The following TSACC variants were observed in gnomAD, a reference collection of about 807,000 sequenced individuals.
The protein encoded by TSACC is TSSK6-activating co-chaperone protein.
In TSACC, 3 loss-of-function variants were observed where a neutral mutation model predicts 6.9. The observed-to-expected ratio is 0.43, with a 90% CI of 0.20 to 1.12. TSACC has a LOEUF of 1.12. Ranked by LOEUF, TSACC falls within the 50% of genes most tolerant of loss-of-function variation. The pLI, the probability that TSACC is intolerant of heterozygous loss-of-function variation, is 0.28. For missense variants in TSACC, 137 were observed against 143.9 expected (o/e 0.95, Z 0.24); for synonymous variants, 54 against 55.1 (o/e 0.98, Z 0.09).
chr1:156,345,685 T>C (rs1265122617), intron 3 of TSACC, among the ~76,000 whole-genome samples: 1 of 150,944 alleles, frequency 6.6e-6, no homozygotes, highest in East Asian at 2.0e-4. Context: ...CTCACCAACA[T>C]GGTGAAACCC....
intron 3 of TSACC, 42 bp downstream of exon 3, chr1:156,344,750 G>A: frequency 1.2e-6 from 2 of 1,602,012 alleles, no homozygotes; most frequent in Non-Finnish European, 1.7e-6. Context: ...TCAACAGGGG[G>A]AAGGGTTGCA....
intron 3 of TSACC, among the ~76,000 whole-genome samples, chr1:156,345,688 T>C (rs1242926547): frequency 6.6e-6 from 1 of 150,846 alleles, no homozygotes; most frequent in African/African-American, 2.4e-5. Context: ...ACCAACATGG[T>C]GAAACCCCAT....
intron 3 of TSACC, among the ~76,000 whole-genome samples, chr1:156,345,422 G>A (rs1175209261): frequency 6.6e-6 from 1 of 151,974 alleles, no homozygotes; most frequent in African/African-American, 2.4e-5. Flanking sequence ...AATAAGCTGG[G>A]CGTGGTGGCA....
chr1:156,344,599 T>C lies in TSACC; in HGVS notation c.54T>C (p.Ala18=), dbSNP rs1666066578. The change falls in exon 3 of 4, where the codon GCT becomes GCC. Residue 18 remains alanine, a synonymous_variant. Transcript: ENST00000368254. ...ATTTAGTTCCAGCCAAAGAGGAAGCTAATGCTGTGCCTCTCTGTAGAGCAA... is the reference window on the plus strand; with the variant it reads ...ATTTAGTTCCAGCCAAAGAGGAAGCCAATGCTGTGCCTCTCTGTAGAGCAA... ...PNRKVPAKEE[A]NAVPLCRAKP... is the part of the protein sequence containing the mutation. The C allele has an allele frequency of 1.2e-6, 2 of 1,614,098 alleles. No individual in the cohort carries two copies. Among genetic ancestry groups the C allele is most frequent in the Admixed American group, 3.3e-5 (2 of 60,016 alleles).
upstream of TSACC, chr1:156,338,252 C>T: frequency 6.9e-7 from 1 of 1,453,226 alleles, no homozygotes; most frequent in South Asian, 1.2e-5. Flanking sequence ...AGAGAGAGAA[C>T]CAGACAGAAG....
upstream of TSACC, chr1:156,338,179 C>T: frequency 3.1e-6 from 5 of 1,588,756 alleles, no homozygotes; most frequent in Non-Finnish European, 4.3e-6. Context: ...GACGATGGCC[C>T]ATCATGGCGA....
chr1:156,342,881 T>C (rs1665972553), intron 2 of TSACC, among the ~76,000 whole-genome samples: 1 of 152,270 alleles, frequency 6.6e-6, no homozygotes, highest in Admixed American at 6.5e-5. Flanking sequence ...GATTTCATTA[T>C]AACAGTGAAT....
upstream of TSACC, chr1:156,338,506 G>A: frequency 2.0e-6 from 1 of 512,176 alleles, no homozygotes; most frequent in Non-Finnish European, 3.5e-6. Flanking sequence ...GAACGTCGGC[G>A]CAGGCGCCAA....
chr1:156,346,449 T>G (rs1259140643), intron 3 of TSACC, among the ~76,000 whole-genome samples: 1 of 152,160 alleles, frequency 6.6e-6, no homozygotes, highest in Non-Finnish European at 1.5e-5. Context: ...TAAAAATCCT[T>G]GCCTTCCTGG....
rs745969180 is a variant in TSACC, at chr1:156,339,813, T to TCC, written c.34+25_34+26dup. Reference sequence around the variant, plus strand: ...AAAGGTGTGTGTTGGAGGCCCTGCTTCCCCTCCCTTAAAAAGCAAGACCTC... The same window carrying TCC: ...AAAGGTGTGTGTTGGAGGCCCTGCTTCCCCCCTCCCTTAAAAAGCAAGACCTC... On this transcript the variant is annotated intron_variant, in intron 2 of 3. Transcript: ENST00000368254. The TCC allele has an allele frequency of 2.5e-6, 4 of 1,612,930 alleles. No individual in the cohort carries two copies. The Admixed American group carries it at 6.7e-5, about 27-fold the overall frequency.
rs767749692 is a variant in TSACC at position 156,339,730 on chromosome 1, C to T, written c.-28C>T. The T allele has an allele frequency of 6.2e-7, 1 of 1,613,690 alleles. No homozygotes were observed. The highest frequency in any genetic ancestry group is 2.2e-5 in the East Asian group (1 of 44,864). ...TGATCATCTGATGCTATGATTCTTT[C>T]CCAGGCACCACACCTGTTGGTGTTC... On this transcript the variant is annotated 5_prime_UTR_variant, in exon 2 of 4. Coordinates refer to ENST00000368254, the MANE Select transcript of TSACC (RefSeq NM_001304817.2).
chr1:156,338,306 A>G, upstream of TSACC: 1 of 925,032 alleles, frequency 1.1e-6, no homozygotes, highest in Non-Finnish European at 1.7e-6. Flanking sequence ...TCAACCCGCT[A>G]CTCTCAAGGT....
chr1:156,342,102 C>T (rs1665930283), intron 2 of TSACC, among the ~76,000 whole-genome samples: 1 of 151,924 alleles, frequency 6.6e-6, no homozygotes, highest in Admixed American at 6.6e-5. Context: ...ATGCATTCTC[C>T]TATGTCCAGG....
At chr1:156,339,884 C>T in intron 2 of TSACC, 93 bp downstream of exon 2, 4 of 1,355,872 alleles carry the variant, frequency 3.0e-6, no homozygotes, top group Non-Finnish European at 3.1e-6. Flanking sequence ...TTCCCAGCAC[C>T]TAGAACTGGA....
chr1:156,344,114 ATCTCT>A (rs2101713766), intron 2 of TSACC, among the ~76,000 whole-genome samples: 1 of 152,158 alleles, frequency 6.6e-6, no homozygotes, highest in Non-Finnish European at 1.5e-5. Context: ...ACTCATATTG[ATCTCT>A]TCTCCCTTTT....
chr1:156,343,572 C>A (rs1184119899), intron 2 of TSACC, among the ~76,000 whole-genome samples: 1 of 152,206 alleles, frequency 6.6e-6, no homozygotes, highest in East Asian at 1.9e-4. Context: ...GGGAATGACT[C>A]TGGCCCAACT....
Position 156,346,979 on chromosome 1 carries a change from A to G in TSACC, c.375A>G (p.Lys125=), listed in dbSNP as rs1285408289. 1.9e-6 allele frequency: 3 copies of G among 1,612,762 alleles called. No homozygotes were observed. Among genetic ancestry groups the G allele is most frequent in the Admixed American group, 3.3e-5 (2 of 59,974 alleles). Residue 125 remains lysine, a synonymous_variant, in exon 4 of 4, where the codon AAA becomes AAG. Coordinates refer to ENST00000368254, the MANE Select transcript of TSACC (RefSeq NM_001304817.2). ...PLLNHLPQFS[K] ...TAAATCACCTGCCCCAATTCAGTAA[A>G]TGAATTGTGGAACAAAGTTATTGTG... is the stretch of plus-strand genomic sequence containing the variant.
chr1:156,346,640 T>C, intron 3 of TSACC, 128 bp from the exon 4 acceptor site: 1 of 825,746 alleles, frequency 1.2e-6, no homozygotes, highest in Non-Finnish European at 2.0e-6. Flanking sequence ...TGGGCAAAGG[T>C]ATGTCTGGGT....
intron 2 of TSACC, 66 bp downstream of exon 2, chr1:156,339,857 A>C: frequency 1.9e-6 from 3 of 1,554,470 alleles, no homozygotes; most frequent in Non-Finnish European, 2.7e-6. Flanking sequence ...TCCCCACTAA[A>C]TGGGAGCATT....
Sources: gnomAD v4.1 joint callset for allele counts (sites outside exome capture counted in the v4.1 genomes callset) on GRCh38, gnomAD v4.1.1 for gene constraint, MANE v1.5 for transcripts, NCBI Gene and HGNC (gene_info 2026-07-23, HGNC 2026-07-21) for gene names.